Variants in PHF6 observed in about 807,000 individuals in gnomAD.
The protein encoded by PHF6 is PHD finger protein 6.
A neutral mutation model predicts 34.0 loss-of-function variants in PHF6; 7 were observed. The observed-to-expected ratio is 0.21, with a 90% CI of 0.12 to 0.39. The LOEUF is 0.39. Ranked by LOEUF, PHF6 falls within the 10% of genes least tolerant of loss-of-function variation. The probability of loss-of-function intolerance (pLI) is 1.00; values close to 1 mark genes in which losing one functional copy is unlikely to be tolerated. For missense variants in PHF6, 128 were observed against 262.8 expected (o/e 0.49, Z 3.55); for synonymous variants, 89 against 88.4 (o/e 1.01, Z -0.04).
At chrX:134,406,716 C>T (rs751883709) in intron 5 of PHF6, among the ~76,000 whole-genome samples, 1 of 111,743 alleles carries the variant, frequency 8.9e-6, no homozygotes, top group African/African-American at 3.2e-5. Context: ...TTTGGTGGCT[C>T]GGGAAGGAGG....
intron 3 of PHF6, 81 bp downstream of exon 3, chrX:134,378,187 G>A: frequency 1.6e-6 from 1 of 613,682 alleles, no homozygotes; most frequent in Non-Finnish European, 2.6e-6. Context: ...AGAGTGTATT[G>A]CATTATTAAC....
At chrX:134,375,215 G>T (rs1283495315) in intron 1 of PHF6, among the ~76,000 whole-genome samples, 1 of 112,128 alleles carries the variant, frequency 8.9e-6, no homozygotes. Context: ...GCACATTGGG[G>T]AAAGTTTTTA....
In PHF6 at chrX:134,377,838, A is replaced by C. The variant is rs1308984361; in HGVS notation, c.138+83A>C. On this transcript the variant is annotated intron_variant, in intron 2 of 10. Transcript: ENST00000370803. The stretch of plus-strand genomic sequence containing the variant: ...CATGAATGTTCCTGAATACTAAAAA[A>C]AAAAACAAAAACCAAAAAAAACTCA... The C allele has an allele frequency of 3.6e-6, 4 of 1,098,092 alleles. No homozygotes were observed. In the Admixed American group the frequency reaches 1.0e-4, roughly 28 times the overall value. 90.5% of individuals were successfully genotyped at this position (1,098,092 alleles called of 1,213,427 possible).
chrX:134,401,316 G>T (rs1388357754), intron 5 of PHF6, among the ~76,000 whole-genome samples: 1 of 111,737 alleles, frequency 8.9e-6, no homozygotes, highest in Non-Finnish European at 1.9e-5. Context: ...GAAGTAGAAA[G>T]GGTATCTGGA....
intron 5 of PHF6, among the ~76,000 whole-genome samples, chrX:134,400,665 A>G: frequency 9.0e-6 from 1 of 110,671 alleles, no homozygotes; most frequent in Non-Finnish European, 1.9e-5. Context: ...CGTTTGAAAG[A>G]ATAGCTCTGA....
At position 134,389,675 on chromosome X, in the gene PHF6, C is replaced by G. The variant is rs193052402; in HGVS notation, c.241-3826C>G. Among the ~76,000 whole-genome samples, 177 of 111,410 alleles carry G rather than the reference C, an allele frequency of 1.6e-3. 1 individual carries two copies. Among genetic ancestry groups the G allele is most frequent in the Admixed American group, 3.1e-3 (32 of 10,420 alleles). ...TCTTTAATTTTTCTTTTTATCTCATCTTAGTTTTCAACCTTGTTTCTAGCG... is the reference window on the plus strand; with the variant it reads ...TCTTTAATTTTTCTTTTTATCTCATGTTAGTTTTCAACCTTGTTTCTAGCG... On this transcript the variant is annotated intron_variant, in intron 3 of 10. Coordinates refer to ENST00000370803, the MANE Select transcript of PHF6 (RefSeq NM_001015877.2).
At chrX:134,417,036 C>A in intron 8 of PHF6, 133 bp from the exon 9 acceptor site, 1 of 683,140 alleles carries the variant, frequency 1.5e-6, no homozygotes, top group Non-Finnish European at 2.3e-6. Flanking sequence ...GAGGGCTTAT[C>A]AAAGTATGGT....
At chrX:134,390,402 A>G (rs900107773) in intron 3 of PHF6, among the ~76,000 whole-genome samples, 3 of 112,199 alleles carry the variant, frequency 2.7e-5, no homozygotes, top group Non-Finnish European at 5.6e-5. Context: ...GAAACTGACT[A>G]TAAAAATAAA....
rs1569346450 is a variant in PHF6 at position 134,427,414 on chromosome X, CAT to C, written c.*1755_*1756del. 2 of 157,982 alleles carry C rather than the reference CAT, an allele frequency of 1.3e-5. No homozygotes were observed. Among genetic ancestry groups the C allele is most frequent in the Non-Finnish European group, 2.5e-5 (2 of 81,513 alleles). 13.0% of individuals were successfully genotyped at this position (157,982 alleles called of 1,213,427 possible). ...AATCCTTAAATCACTGTGTCTAGAT[CAT>C]TTTTTACATTGTGTGCCATAGACTT... On this transcript the variant is annotated 3_prime_UTR_variant, in exon 11 of 11. Coordinates refer to ENST00000370803, the MANE Select transcript of PHF6 (RefSeq NM_001015877.2).
chrX:134,378,282 C>T (rs1167610406), intron 3 of PHF6, among the ~76,000 whole-genome samples, 176 bp downstream of exon 3: 5 of 110,010 alleles, frequency 4.5e-5, no homozygotes, highest in Admixed American at 1.9e-4. Context: ...TTATTTACCA[C>T]TCAACAAAAA....
intron 5 of PHF6, among the ~76,000 whole-genome samples, chrX:134,394,582 C>T (rs911835172): frequency 1.9e-5 from 2 of 108,090 alleles, no homozygotes; most frequent in Non-Finnish European, 3.8e-5. Context: ...GCTGTGTTGC[C>T]CAGGCTGGAG....
intron 8 of PHF6, among the ~76,000 whole-genome samples, chrX:134,416,741 G>A (rs1421482899): frequency 8.9e-6 from 1 of 111,995 alleles, no homozygotes; most frequent in Admixed American, 9.5e-5. Flanking sequence ...AGCCCCTTTA[G>A]TCTCCCTCTG....
In PHF6 at chrX:134,378,106, G is replaced by T; in HGVS notation, c.240G>T (p.Leu80=). The T allele has an allele frequency of 8.7e-7, 1 of 1,151,487 alleles. No individual in the cohort carries two copies. Among genetic ancestry groups the T allele is most frequent in the South Asian group, 1.9e-5 (1 of 53,927 alleles). 94.9% of individuals were successfully genotyped at this position (1,151,487 alleles called of 1,213,427 possible). ...VQKEIKRGTK[L]MCSLCHCPGA... ...AGGAAATTAAAAGAGGCACGAAGCTGGTAAGTTGGTATTTCTGCCTCTTGA... is the reference window on the plus strand; with the variant it reads ...AGGAAATTAAAAGAGGCACGAAGCTTGTAAGTTGGTATTTCTGCCTCTTGA... The change falls in exon 3 of 11, where the codon CTG becomes CTT. Residue 80 remains leucine (L), a splice_region_variant and synonymous_variant. Transcript: ENST00000370803.
At chrX:134,376,575 A>G (rs1384982661) in intron 1 of PHF6, among the ~76,000 whole-genome samples, 1 of 111,692 alleles carries the variant, frequency 9.0e-6, no homozygotes, top group East Asian at 2.8e-4. Context: ...CCTATAATTA[A>G]AATGTGACCA....
chrX:134,378,128 T>A, intron 3 of PHF6, 22 bp downstream of exon 3: 2 of 1,053,839 alleles, frequency 1.9e-6, no homozygotes, highest in Non-Finnish European at 2.6e-6. Flanking sequence ...TTTCTGCCTC[T>A]TGAGAATAAA....
intron 5 of PHF6, among the ~76,000 whole-genome samples, chrX:134,404,233 T>C (rs766658695): frequency 8.9e-6 from 1 of 112,440 alleles, no homozygotes; most frequent in South Asian, 3.7e-4. Context: ...AACATATCGA[T>C]GTTAACGGGA....
At chrX:134,379,154 A>G (rs958689685) in intron 3 of PHF6, among the ~76,000 whole-genome samples, 14 of 111,483 alleles carry the variant, frequency 1.3e-4, no homozygotes, top group African/African-American at 3.9e-4. Context: ...CATTTTGATG[A>G]TCAGGAATAA....
chrX:134,393,727 C>A, intron 4 of PHF6, 93 bp downstream of exon 4: 1 of 897,947 alleles, frequency 1.1e-6, no homozygotes, highest in South Asian at 2.2e-5. Flanking sequence ...AGCATTTCAT[C>A]ATCATCATAA....
chrX:134,380,001 A>G (rs2077299458), intron 3 of PHF6, among the ~76,000 whole-genome samples: 1 of 111,973 alleles, frequency 8.9e-6, no homozygotes, highest in African/African-American at 3.2e-5. Context: ...GTCACTTGAC[A>G]CAGCTTGTAT....
Sources: gnomAD v4.1 joint callset for allele counts (sites outside exome capture counted in the v4.1 genomes callset) on GRCh38, gnomAD v4.1.1 for gene constraint, MANE v1.5 for transcripts, NCBI Gene and HGNC (gene_info 2026-07-23, HGNC 2026-07-21) for gene names.